Variants in KIR3DL2 observed in about 807,000 individuals in gnomAD.
KIR3DL2 encodes killer cell immunoglobulin like receptor, three Ig domains and long cytoplasmic tail 2.
KIR3DL2 carries 42 observed loss-of-function variants against 41.6 expected under a neutral mutation model. That is an observed-to-expected ratio of 1.01 (90% confidence interval 0.79 to 1.31). KIR3DL2 has a LOEUF of 1.31. Ranked by LOEUF, KIR3DL2 falls within the 50% of genes most tolerant of loss-of-function variation. The pLI is 0.00. For synonymous variants in KIR3DL2, 230 were observed against 221.3 expected, an observed-to-expected ratio of 1.04 and a Z score of -0.35; for missense variants, 728 against 576.8, an observed-to-expected ratio of 1.26 and a Z score of -2.68.
intron 3 of KIR3DL2, 97 bp from the exon 4 acceptor site, chr19:54,853,650 A>T: frequency 7.2e-7 from 1 of 1,395,640 alleles, no homozygotes; most frequent in Non-Finnish European, 1.0e-6. Flanking sequence ...GGGAGGAGAG[A>T]GACAGACCTC....
At chr19:54,865,729 T>A (rs1601835997) in intron 6 of KIR3DL2, 76 bp from the exon 7 acceptor site, 1 of 1,290,936 alleles carries the variant, frequency 7.7e-7, no homozygotes, top group Non-Finnish European at 1.1e-6. Context: ...TGGTTACCTG[T>A]CAATCAAGAA....
intron 8 of KIR3DL2, 34 bp downstream of exon 8, chr19:54,866,456 G>A (rs761275802): frequency 6.2e-7 from 1 of 1,613,940 alleles, no homozygotes; most frequent in Non-Finnish European, 8.5e-7. Flanking sequence ...CACGGATACA[G>A]TCTTATCCCT....
chr19:54,866,275 C>A lies in KIR3DL2; in HGVS notation c.1106-95C>A, dbSNP rs765957506. On this transcript the variant is annotated intron_variant, in intron 7 of 8. Coordinates refer to ENST00000326321, the MANE Select transcript of KIR3DL2 (RefSeq NM_006737.4). ...ATGTTGGCAGCTGAAGAGCCTCAGG[C>A]ACCTACAGCCTCCCCCTGTGGGTTG... The A allele has an allele frequency of 5.6e-6, 7 of 1,261,246 alleles. No individual in the cohort carries two copies. In the Admixed American group the frequency reaches 9.6e-5, roughly 17 times the overall value. The allele number at this position is 1,261,246 out of a possible 1,614,324, so 78.1% of individuals were successfully genotyped here. A position where few individuals can be genotyped will look rare whatever the true frequency, so the allele number is the denominator to read the frequency against.
chr19:54,859,937 C>T (rs1208720626), intron 6 of KIR3DL2, among the ~76,000 whole-genome samples: 28 of 151,950 alleles, frequency 1.8e-4, no homozygotes, highest in Non-Finnish European at 2.6e-4. Context: ...CATGGCATCA[C>T]TCAGACCCTT....
chr19:54,866,329 A>G, intron 7 of KIR3DL2, 41 bp from the exon 8 acceptor site: 1 of 1,598,668 alleles, frequency 6.3e-7, no homozygotes, highest in Admixed American at 1.7e-5. Flanking sequence ...AGGACCCAGA[A>G]GGGCCCTCCA....
At chr19:54,860,477 C>G (rs1171696329) in intron 6 of KIR3DL2, among the ~76,000 whole-genome samples, 1 of 152,052 alleles carries the variant, frequency 6.6e-6, no homozygotes, top group African/African-American at 2.4e-5. Flanking sequence ...CTGAACTGAT[C>G]TCCTCCCTCA....
chr19:54,859,130 G>A lies in KIR3DL2; in HGVS notation c.1000+1G>A, dbSNP rs2064999755. ...CCCACAGAACCAAGCTCCAAATCTGGTGAGTAAAGGACCCCTCTTATCTCT... is the reference window on the plus strand; with the variant it reads ...CCCACAGAACCAAGCTCCAAATCTGATGAGTAAAGGACCCCTCTTATCTCT... On this transcript the variant is annotated splice_donor_variant, in intron 6 of 8. Coordinates refer to ENST00000326321, the MANE Select transcript of KIR3DL2 (RefSeq NM_006737.4). LOFTEE classifies it high-confidence loss of function. 6.2e-7 allele frequency: 1 copy of A among 1,611,904 alleles called. No individual in the cohort carries two copies. Among genetic ancestry groups the A allele is most frequent in the Non-Finnish European group, 8.5e-7 (1 of 1,178,336 alleles).
rs1462028082 is a variant in KIR3DL2 at position 54,853,832 on chromosome 19, TG to T, written c.442del (p.Val148SerfsTer38). 2 of 1,613,090 alleles carry T rather than the reference TG, an allele frequency of 1.2e-6. No individual in the cohort carries two copies. Among genetic ancestry groups the T allele is most frequent in the East Asian group, 4.5e-5 (2 of 44,862 alleles). ...CAGTCATCCTGCAATGTTGGTCAGA[TG>T]TCATGTTTGAGCACTTCTTTCTGCA... ...ETVILQCWSDVMFEHFFLHRE... is the reference protein window; with the variant it reads ...ETVILQCWSDXMFEHFFLHRE... On this transcript the variant is annotated frameshift_variant, in exon 4 of 9. Transcript: ENST00000326321. LOFTEE classifies it high-confidence loss of function.
intron 2 of KIR3DL2, 135 bp from the exon 3 acceptor site, chr19:54,851,863 G>A: frequency 1.0e-6 from 1 of 993,882 alleles, no homozygotes; most frequent in South Asian, 1.4e-5. Flanking sequence ...ATGTGGGGTG[G>A]GTCCTTCCTG....
At chr19:54,861,998 T>C (rs1162716466) in intron 6 of KIR3DL2, among the ~76,000 whole-genome samples, 1 of 152,014 alleles carries the variant, frequency 6.6e-6, no homozygotes, top group African/African-American at 2.4e-5. Flanking sequence ...TAATACTCCT[T>C]GGAGTGAGTT....
chr19:54,857,212 C>G (rs1232200473), intron 5 of KIR3DL2, among the ~76,000 whole-genome samples: 1 of 151,334 alleles, frequency 6.6e-6, no homozygotes, highest in Non-Finnish European at 1.5e-5. Context: ...GACTCAGCCT[C>G]CCTAATAGCT....
At chr19:54,850,560 G>T (rs1187754341) in intron 1 of KIR3DL2, 51 bp downstream of exon 1, 1 of 1,600,718 alleles carries the variant, frequency 6.2e-7, no homozygotes, top group Non-Finnish European at 8.5e-7. Context: ...GGAGATCTCG[G>T]CCTAGAGGTA....
At chr19:54,850,687 G>C (rs1450958314) in intron 1 of KIR3DL2, among the ~76,000 whole-genome samples, 178 bp downstream of exon 1, 1 of 148,528 alleles carries the variant, frequency 6.7e-6, no homozygotes, top group Non-Finnish European at 1.5e-5. Context: ...GCCTGGAGGG[G>C]AGATATGGGC....
intron 6 of KIR3DL2, 50 bp from the exon 7 acceptor site, chr19:54,865,755 A>T (rs745475879): frequency 6.8e-7 from 1 of 1,470,158 alleles, no homozygotes; most frequent in African/African-American, 1.4e-5. Flanking sequence ...ACAATCCATA[A>T]AGAGGAACTG....
intron 4 of KIR3DL2, among the ~76,000 whole-genome samples, chr19:54,855,210 T>C (rs878919118): frequency 6.7e-6 from 1 of 150,190 alleles, no homozygotes; most frequent in Admixed American, 6.6e-5. Context: ...AGATAGACAA[T>C]TGATAGATAA....
chr19:54,857,515 T>A (rs2064876342), intron 5 of KIR3DL2, among the ~76,000 whole-genome samples: 2 of 149,710 alleles, frequency 1.3e-5, no homozygotes, highest in East Asian at 3.9e-4. Flanking sequence ...GTTTTGCCTG[T>A]CTTGCAGATA....
rs1177500497 is a variant in KIR3DL2 at position 54,852,070 on chromosome 19, A to G, written c.143A>G (p.Gln48Arg). The G allele has an allele frequency of 3.7e-5, 59 of 1,610,950 alleles. No homozygotes were observed. The highest frequency in any genetic ancestry group is 3.3e-4 in the Middle Eastern group (2 of 6,030). ...VVPRGGHVAL[Q>R]CHYRRGFNNF... ...CCTCGAGGAGGACACGTGGCTCTTC[A>G]GTGTCACTATCGTCGTGGGTTTAAC... Residue 48 changes from glutamine to arginine, a missense_variant, in exon 3 of 9, where the codon CAG becomes CGG. By Grantham distance (43) the Gln-to-Arg change is conservative. Transcript: ENST00000326321.
intron 3 of KIR3DL2, 122 bp from the exon 4 acceptor site, chr19:54,853,625 A>G: frequency 8.6e-7 from 1 of 1,160,124 alleles, no homozygotes; most frequent in Non-Finnish European, 1.2e-6. Flanking sequence ...CAGAAAAGAC[A>G]CGGAGACACA....
intron 2 of KIR3DL2, 111 bp downstream of exon 2, chr19:54,851,366 C>A: frequency 8.4e-7 from 1 of 1,190,594 alleles, no homozygotes; most frequent in Middle Eastern, 2.9e-4. Flanking sequence ...AGAGGGGACC[C>A]TTGGATACTC....
Sources: allele counts gnomAD v4.1 joint callset (sites outside exome capture counted in the v4.1 genomes callset), GRCh38; gene constraint gnomAD v4.1.1; transcripts MANE v1.5; gene names NCBI Gene and HGNC (gene_info 2026-07-23, HGNC 2026-07-21).